The following PREX1 variants were observed in gnomAD, a reference collection of about 807,000 sequenced individuals.
PREX1 encodes the protein phosphatidylinositol 3,4,5-trisphosphate-dependent Rac exchanger 1 protein.
PREX1 carries 41 observed loss-of-function variants against 198.3 expected under a neutral mutation model. The observed-to-expected ratio is 0.21, with a 90% CI of 0.16 to 0.27. The LOEUF is 0.27. PREX1 is among the 10% of genes least tolerant of loss of function. The pLI is 1.00. For missense variants in PREX1, 1,620 were observed against 2,200.7 expected (o/e 0.74, Z 5.28); for synonymous variants, 843 against 887.2 (o/e 0.95, Z 0.89).
intron 1 of PREX1, among the ~76,000 whole-genome samples, chr20:48,773,077 G>A (rs1179089575): frequency 1.3e-5 from 2 of 151,970 alleles, no homozygotes; most frequent in South Asian, 2.1e-4. Context: ...GACCAGCCTC[G>A]CCAACATGGC....
chr20:48,633,225 C>T (rs1211998885), intron 33 of PREX1, among the ~76,000 whole-genome samples: 1 of 152,212 alleles, frequency 6.6e-6, no homozygotes, highest in East Asian at 1.9e-4. Flanking sequence ...CCAATTGCTA[C>T]TCAAAGAGAA....
intron 1 of PREX1, among the ~76,000 whole-genome samples, chr20:48,780,060 T>C (rs1025268876): frequency 3.9e-5 from 6 of 152,220 alleles, no homozygotes; most frequent in Non-Finnish European, 8.8e-5. Flanking sequence ...GGTATCAGTA[T>C]GGACACTGGG....
intron 1 of PREX1, among the ~76,000 whole-genome samples, chr20:48,772,597 C>T (rs2090241803): frequency 6.6e-6 from 1 of 152,192 alleles, no homozygotes; most frequent in African/African-American, 2.4e-5. Flanking sequence ...GAAAGGAAGT[C>T]GGCAGCTCAG....
the PREX1 span, among the ~76,000 whole-genome samples, chr20:48,887,701 C>T: frequency 3.8e-4 from 58 of 152,170 alleles, 1 homozygote; most frequent in South Asian, 0.011. Context: ...AATCCCAGCA[C>T]TTTGGGAGGC....
chr20:48,772,951 GCA>G, intron 1 of PREX1, among the ~76,000 whole-genome samples: 1 of 152,206 alleles, frequency 6.6e-6, no homozygotes, highest in Admixed American at 6.5e-5. Flanking sequence ...GTGCTTACCA[GCA>G]CACAGTAGGT....
At chr20:48,726,437 C>A (rs779177889) in intron 4 of PREX1, 46 bp from the exon 5 acceptor site, 7 of 1,416,452 alleles carry the variant, frequency 4.9e-6, no homozygotes, top group Non-Finnish European at 6.9e-6. Context: ...AAGGATAGCA[C>A]AGGGACATAG....
intron 3 of PREX1, among the ~76,000 whole-genome samples, chr20:48,744,370 T>C (rs1420685004): frequency 1.3e-5 from 2 of 152,026 alleles, no homozygotes; most frequent in African/African-American, 4.8e-5. Context: ...CAGGAGGAAA[T>C]AGAGGCTCAG....
intron 6 of PREX1, among the ~76,000 whole-genome samples, chr20:48,701,460 C>A (rs907764190): frequency 6.6e-6 from 1 of 152,122 alleles, no homozygotes; most frequent in African/African-American, 2.4e-5. Flanking sequence ...GTGATCCAAC[C>A]GCCTCAGCTT....
intron 5 of PREX1, among the ~76,000 whole-genome samples, chr20:48,712,820 C>A (rs2089938768): frequency 6.6e-6 from 1 of 152,222 alleles, no homozygotes; most frequent in Admixed American, 6.5e-5. Context: ...CCTCTCCCGG[C>A]ACACTCCTCA....
intron 1 of PREX1, among the ~76,000 whole-genome samples, chr20:48,791,687 T>G (rs1044007512): frequency 2.0e-5 from 3 of 152,052 alleles, no homozygotes; most frequent in Non-Finnish European, 4.4e-5. Context: ...GAAATCAAGT[T>G]CAGTGTCCAG....
intron 6 of PREX1, among the ~76,000 whole-genome samples, chr20:48,701,716 C>T (rs541957755): frequency 2.6e-5 from 4 of 152,136 alleles, no homozygotes; most frequent in Non-Finnish European, 5.9e-5. Context: ...AATGTGCAAA[C>T]CATCGGGGGC....
chr20:48,745,191 G>A (rs774447293), intron 2 of PREX1, 44 bp from the exon 3 acceptor site: 4 of 1,572,834 alleles, frequency 2.5e-6, no homozygotes, highest in Non-Finnish European at 2.6e-6. Flanking sequence ...AAGGCTCAGA[G>A]GGAGAGCAAA....
chr20:48,747,424 G>A (rs965684419), intron 2 of PREX1, among the ~76,000 whole-genome samples: 13 of 152,228 alleles, frequency 8.5e-5, no homozygotes, highest in East Asian at 1.9e-4. Context: ...AGCGGGGGCC[G>A]GGACTGCCAG....
At chr20:48,638,210 G>A (rs764239585) in intron 30 of PREX1, among the ~76,000 whole-genome samples, 4 of 151,342 alleles carry the variant, frequency 2.6e-5, no homozygotes, top group Admixed American at 6.6e-5. Context: ...GTACACATGC[G>A]CCCACACAAG....
At chr20:48,709,838 G>A (rs1454358141) in intron 5 of PREX1, among the ~76,000 whole-genome samples, 2 of 152,216 alleles carry the variant, frequency 1.3e-5, no homozygotes, top group African/African-American at 2.4e-5. Flanking sequence ...AAAGGGTATT[G>A]TTCTGAGCAC....
At chr20:48,654,650 C>T (rs1259749305) in intron 19 of PREX1, among the ~76,000 whole-genome samples, 2 of 152,208 alleles carry the variant, frequency 1.3e-5, no homozygotes, top group Non-Finnish European at 1.5e-5. Context: ...TTCTCAGTAA[C>T]CTTCTGTCAT....
rs771686746 is a variant in PREX1, at chr20:48,652,621, C to A, written c.2432G>T (p.Gly811Val). ...SQEASTEDPS[G>V]EQAQEEDQAD... Reference sequence around the variant, plus strand: ...CTGGTCTTCCTCCTGGGCCTGCTCGCCACTGGGGTCCTCAGTGGAGGCCTC... The same window carrying A: ...CTGGTCTTCCTCCTGGGCCTGCTCGACACTGGGGTCCTCAGTGGAGGCCTC... Residue 811 changes from glycine (G) to valine (V), a missense_variant, in exon 21 of 40, where the codon GGC (glycine) becomes GTC (valine). Gly to Val is a moderately radical substitution (Grantham distance 109, BLOSUM62 -3). Coordinates refer to ENST00000371941, the MANE Select transcript of PREX1 (RefSeq NM_020820.4). The A allele has an allele frequency of 6.2e-7, 1 of 1,613,510 alleles. No homozygotes were observed. The highest frequency in any genetic ancestry group is 2.2e-5 in the East Asian group (1 of 44,862).
the PREX1 span, among the ~76,000 whole-genome samples, chr20:48,853,906 T>C: frequency 1.3e-5 from 2 of 152,222 alleles, no homozygotes; most frequent in East Asian, 1.9e-4. Context: ...AGCATACACA[T>C]GAAAAGACTC....
At chr20:48,677,921 G>GGTT (rs1464615586) in intron 13 of PREX1, among the ~76,000 whole-genome samples, 1 of 152,114 alleles carries the variant, frequency 6.6e-6, no homozygotes, top group Non-Finnish European at 1.5e-5. Flanking sequence ...AGGAGGCAGA[G>GGTT]GTTGCAGTGA....
Sources: gnomAD v4.1 joint callset for allele counts (sites outside exome capture counted in the v4.1 genomes callset) on GRCh38, gnomAD v4.1.1 for gene constraint, MANE v1.5 for transcripts, NCBI Gene and HGNC (gene_info 2026-07-23, HGNC 2026-07-21) for gene names.